The following NCALD variants were observed in gnomAD, a reference collection of about 807,000 sequenced individuals.
The protein encoded by NCALD is neurocalcin delta, also known as neurocalcin-delta.
A neutral mutation model predicts 18.6 loss-of-function variants in NCALD; 10 were observed. That is an observed-to-expected ratio of 0.54 (90% confidence interval 0.33 to 0.91). The LOEUF (loss-of-function observed/expected upper bound fraction) is 0.91. Among genes scored for constraint, NCALD ranks in the 40% least tolerant of loss-of-function variants. NCALD has a pLI of 0.03. For synonymous variants in NCALD, 88 were observed against 87.4 expected (o/e 1.01, Z -0.04); for missense variants, 184 against 247.6 (o/e 0.74, Z 1.72).
At chr8:101,992,625 A>G (rs1383274203) in intron 2 of NCALD, among the ~76,000 whole-genome samples, 1 of 152,198 alleles carries the variant, frequency 6.6e-6, no homozygotes, top group Non-Finnish European at 1.5e-5. Context: ...AACGGGAATA[A>G]TAATGGGTTG....
At chr8:101,878,500 C>G (rs1816324434) in intron 4 of NCALD, among the ~76,000 whole-genome samples, 1 of 152,172 alleles carries the variant, frequency 6.6e-6, no homozygotes, top group Non-Finnish European at 1.5e-5. Flanking sequence ...ACACATTTCT[C>G]TCATACAGTC....
chr8:101,970,815 TA>T (rs1277009441), intron 2 of NCALD, among the ~76,000 whole-genome samples: 20 of 152,188 alleles, frequency 1.3e-4, no homozygotes. Context: ...TGCCACAGTT[TA>T]AATATGGTTT....
intron 2 of NCALD, among the ~76,000 whole-genome samples, chr8:101,963,881 T>A (rs1563937684): frequency 6.6e-6 from 1 of 152,126 alleles, no homozygotes; most frequent in Non-Finnish European, 1.5e-5. Context: ...ACAGTCTCAC[T>A]GATACGGAAA....
chr8:102,083,526 A>T (rs1425122271), intron 1 of NCALD, among the ~76,000 whole-genome samples: 4 of 152,138 alleles, frequency 2.6e-5, no homozygotes, highest in Admixed American at 2.6e-4. Flanking sequence ...TTTATCTTTA[A>T]CTTTTTAAAA....
intron 3 of NCALD, among the ~76,000 whole-genome samples, chr8:101,904,158 C>G (rs1028098985): frequency 3.3e-5 from 5 of 152,138 alleles, no homozygotes; most frequent in African/African-American, 1.2e-4. Context: ...CGATAGGGAT[C>G]TCTGGAGCTG....
At chr8:101,818,979 G>A (rs892053816) in intron 4 of NCALD, among the ~76,000 whole-genome samples, 1 of 151,974 alleles carries the variant, frequency 6.6e-6, no homozygotes, top group Non-Finnish European at 1.5e-5. Flanking sequence ...ATTCCAGCCT[G>A]GGCAACAGAG....
intron 2 of NCALD, among the ~76,000 whole-genome samples, chr8:101,992,882 G>C (rs1821102471): frequency 1.3e-5 from 2 of 151,358 alleles, no homozygotes; most frequent in Admixed American, 1.3e-4. Context: ...GATTTTCCAG[G>C]ATTTTTTTTT....
intron 2 of NCALD, among the ~76,000 whole-genome samples, chr8:101,714,717 C>CATCATGCTACCTGACTTCAAACTATA (rs1554611560): frequency 2.4e-4 from 36 of 151,664 alleles, no homozygotes; most frequent in East Asian, 7.7e-4. Flanking sequence ...AAGCTGGGGG[C>CATCATGCTACCTGACTTCAAACTATA]CGGGCACGGT....
At chr8:101,861,455 G>A (rs1173984623) in intron 4 of NCALD, among the ~76,000 whole-genome samples, 1 of 151,950 alleles carries the variant, frequency 6.6e-6, no homozygotes, top group Non-Finnish European at 1.5e-5. Context: ...ACACAGGTAG[G>A]AGGAGCAGAG....
chr8:101,933,555 T>C (rs1243126794), intron 2 of NCALD, among the ~76,000 whole-genome samples: 1 of 152,204 alleles, frequency 6.6e-6, no homozygotes, highest in East Asian at 1.9e-4. Context: ...TCTAAGTTTG[T>C]GGTGATTTGT....
At chr8:101,806,223 G>A (rs1325951045) in intron 4 of NCALD, among the ~76,000 whole-genome samples, 4 of 152,004 alleles carry the variant, frequency 2.6e-5, no homozygotes, top group African/African-American at 7.3e-5. Context: ...AGAAACTCCA[G>A]AGAAGAGAGA....
Position 101,992,079 on chromosome 8 carries a change from A to T in NCALD, c.-157+28158T>A, listed in dbSNP as rs903916709. Among the ~76,000 whole-genome samples the T allele has an allele frequency of 7.9e-5, 12 of 152,220 alleles. 1 individual carries two copies. Among genetic ancestry groups the T allele is most frequent in the Admixed American group, 7.2e-4 (11 of 15,282 alleles). On this transcript the variant is annotated intron_variant, in intron 2 of 6. Coordinates refer to the NCALD transcript ENST00000311028. ...GCATTACTACACTCCATGTGGCAAG[A>T]TGCCTGCATTATGAAAGTCGCATGG...
chr8:101,930,570 C>T (rs1196869970), intron 2 of NCALD, among the ~76,000 whole-genome samples: 3 of 151,884 alleles, frequency 2.0e-5, no homozygotes, highest in East Asian at 2.0e-4. Flanking sequence ...CTTCCTCCCT[C>T]GTCACCCTAA....
chr8:101,841,992 G>C (rs1389799649), intron 4 of NCALD, among the ~76,000 whole-genome samples: 1 of 152,184 alleles, frequency 6.6e-6, no homozygotes, highest in African/African-American at 2.4e-5. Flanking sequence ...ACACTAAGTG[G>C]CTAAAGCAAC....
rs1165987399 is a variant in NCALD at position 101,897,186 on chromosome 8, A to T, written c.-106-9959T>A. On this transcript the variant is annotated intron_variant, in intron 3 of 6. Coordinates refer to the NCALD transcript ENST00000311028. ...ATACACCATGGAATACTATGCAGCC[A>T]TAAAAAATGATGAGTTCATGTCCTT... is the stretch of plus-strand genomic sequence containing the variant. Among the ~76,000 whole-genome samples the T allele has an allele frequency of 1.5e-4, 20 of 130,456 alleles. No homozygotes were observed. In the East Asian group the frequency reaches 3.8e-3, roughly 25 times the overall value. 85.6% of individuals were successfully genotyped at this position (130,456 alleles called of 152,430 possible). A position where few individuals can be genotyped will look rare whatever the true frequency, so the allele number is the denominator to read the frequency against.
intron 1 of NCALD, among the ~76,000 whole-genome samples, chr8:102,096,394 T>C (rs1248918388): frequency 2.0e-5 from 3 of 152,132 alleles, no homozygotes; most frequent in Middle Eastern, 3.2e-3. Context: ...GGCAGGAAAA[T>C]AGGGTCTGGA....
chr8:102,114,002 C>T (rs1180027210), intron 1 of NCALD, among the ~76,000 whole-genome samples: 2 of 152,330 alleles, frequency 1.3e-5, no homozygotes, highest in Non-Finnish European at 2.9e-5. Flanking sequence ...GGGGTCACTC[C>T]GTAGAACTAA....
At chr8:101,827,578 T>G (rs904989059) in intron 4 of NCALD, among the ~76,000 whole-genome samples, 1 of 152,206 alleles carries the variant, frequency 6.6e-6, no homozygotes, top group Non-Finnish European at 1.5e-5. Flanking sequence ...CCATAAATCA[T>G]CACTACATTG....
At chr8:101,998,894 A>G (rs1821336015) in intron 2 of NCALD, among the ~76,000 whole-genome samples, 1 of 152,166 alleles carries the variant, frequency 6.6e-6, no homozygotes, top group South Asian at 2.1e-4. Flanking sequence ...ACCTATACCT[A>G]TGAAAAATAT....
Sources: gnomAD v4.1 joint callset for allele counts (sites outside exome capture counted in the v4.1 genomes callset) on GRCh38, gnomAD v4.1.1 for gene constraint, MANE v1.5 for transcripts, NCBI Gene and HGNC (gene_info 2026-07-23, HGNC 2026-07-21) for gene names.